The following CCSER1 variants were observed in gnomAD, a reference collection of about 807,000 sequenced individuals.
The protein encoded by CCSER1 is coiled-coil serine rich protein 1.
Under a neutral mutation model 82.0 loss-of-function variants are expected in CCSER1, and 41 were observed. The observed-to-expected ratio is 0.50, with a 90% confidence interval of 0.39 to 0.65. The LOEUF (loss-of-function observed/expected upper bound fraction) is 0.65. CCSER1 is among the 30% of genes least tolerant of loss of function. CCSER1 has a pLI of 0.00. For synonymous variants in CCSER1, 414 were observed against 383.9 expected (o/e 1.08, Z -0.92); for missense variants, 1,119 against 1,064.2 (o/e 1.05, Z -0.72).
chr4:91,166,569 A>T (rs1404024272), intron 10 of CCSER1, among the ~76,000 whole-genome samples: 3 of 152,236 alleles, frequency 2.0e-5, no homozygotes, highest in African/African-American at 2.4e-5. Flanking sequence ...CAATATACCA[A>T]GCAAACTTAA....
chr4:90,995,025 G>A (rs1023547621), intron 9 of CCSER1, among the ~76,000 whole-genome samples: 2 of 152,082 alleles, frequency 1.3e-5, no homozygotes, highest in Admixed American at 1.3e-4. Context: ...TTTCCATTCT[G>A]CACTCTGATC....
intron 10 of CCSER1, among the ~76,000 whole-genome samples, chr4:91,197,887 A>G (rs754766162): frequency 6.6e-5 from 10 of 151,760 alleles, no homozygotes; most frequent in Non-Finnish European, 1.5e-4. Context: ...TGGAAATGCT[A>G]TATCTTTTTT....
intron 3 of CCSER1, among the ~76,000 whole-genome samples, chr4:90,365,932 A>G (rs1006082616): frequency 6.6e-6 from 1 of 151,892 alleles, no homozygotes; most frequent in Admixed American, 6.6e-5. Context: ...TTAATAGTAT[A>G]TAGAATAACA....
At chr4:90,196,958 T>C (rs537063932) in intron 1 of CCSER1, among the ~76,000 whole-genome samples, 1 of 152,146 alleles carries the variant, frequency 6.6e-6, no homozygotes, top group Admixed American at 6.5e-5. Flanking sequence ...ACTATGTACC[T>C]TGAGATAGTG....
intron 5 of CCSER1, among the ~76,000 whole-genome samples, chr4:90,473,126 G>A (rs1764621891): frequency 6.6e-6 from 1 of 152,098 alleles, no homozygotes; most frequent in Non-Finnish European, 1.5e-5. Flanking sequence ...CTATGTAAAT[G>A]AGCATTTCAT....
chr4:90,553,204 G>A (rs549056238), intron 5 of CCSER1, among the ~76,000 whole-genome samples: 71 of 152,090 alleles, frequency 4.7e-4, no homozygotes, highest in Middle Eastern at 3.4e-3. Flanking sequence ...ATCTAACCTC[G>A]TGATCTACCT....
chr4:90,631,162 G>T (rs533200964), intron 6 of CCSER1, among the ~76,000 whole-genome samples: 114 of 152,040 alleles, frequency 7.5e-4, no homozygotes, highest in Non-Finnish European at 1.5e-3. Flanking sequence ...CAAAGTGCTG[G>T]GACTACAGGC....
intron 10 of CCSER1, among the ~76,000 whole-genome samples, chr4:91,573,850 G>T (rs1763309153): frequency 6.6e-6 from 1 of 152,020 alleles, no homozygotes; most frequent in African/African-American, 2.4e-5. Flanking sequence ...ACCCAGTTCT[G>T]TTTTTATACA....
At position 90,272,084 on chromosome 4, in the gene CCSER1, G is replaced by A. The variant is rs973822214; in HGVS notation, c.-41-36160G>A. ...TCACTGTCACGACAACAGCGTGGGG[G>A]AAACCACCCCTGTGATTCAATCACC... On this transcript the variant is annotated intron_variant, in intron 1 of 10. Transcript: ENST00000509176. Among the ~76,000 whole-genome samples the A allele has an allele frequency of 1.0e-3, 156 of 151,368 alleles. 1 individual carries two copies. The highest frequency in any genetic ancestry group is 2.5e-3 in the African/African-American group (103 of 41,258).
chr4:90,398,683 A>C (rs940374163), intron 3 of CCSER1, among the ~76,000 whole-genome samples: 25 of 152,172 alleles, frequency 1.6e-4, no homozygotes, highest in African/African-American at 5.8e-4. Flanking sequence ...TTATTGGACT[A>C]TCGCTGACAC....
chr4:90,819,892 A>T (rs1023424407), intron 8 of CCSER1, among the ~76,000 whole-genome samples: 2 of 152,224 alleles, frequency 1.3e-5, no homozygotes, highest in African/African-American at 4.8e-5. Context: ...ATGTTAGAAT[A>T]TTACAGTGTC....
At chr4:90,580,222 A>G (rs1277956673) in intron 5 of CCSER1, among the ~76,000 whole-genome samples, 1 of 152,156 alleles carries the variant, frequency 6.6e-6, no homozygotes, top group Non-Finnish European at 1.5e-5. Flanking sequence ...CTGTGGAATT[A>G]ACAAATTATT....
At chr4:90,379,787 A>G (rs1189677503) in intron 3 of CCSER1, among the ~76,000 whole-genome samples, 1 of 152,178 alleles carries the variant, frequency 6.6e-6, no homozygotes, top group Non-Finnish European at 1.5e-5. Flanking sequence ...TGGGTAATTT[A>G]TAAGCAAAAG....
intron 10 of CCSER1, among the ~76,000 whole-genome samples, chr4:91,174,464 CTA>C (rs1553906996): frequency 1.3e-5 from 2 of 151,952 alleles, no homozygotes; most frequent in Non-Finnish European, 2.9e-5. Context: ...TTTTATTTTA[CTA>C]TAAGTTCTGG....
intron 10 of CCSER1, chr4:91,112,483 ATTATC>A (rs1234717035): frequency 6.6e-6 from 1 of 152,044 alleles, no homozygotes; most frequent in Non-Finnish European, 1.5e-5. Flanking sequence ...GATAATCTTT[ATTATC>A]TTTGTTCTTT....
intron 5 of CCSER1, among the ~76,000 whole-genome samples, chr4:90,591,625 G>A (rs920475665): frequency 6.6e-6 from 1 of 152,196 alleles, no homozygotes; most frequent in African/African-American, 2.4e-5. Context: ...AGATGGTGTA[G>A]CGATTCCTCA....
intron 7 of CCSER1, among the ~76,000 whole-genome samples, chr4:90,769,066 G>C (rs62313021): frequency 0.057 from 8,671 of 152,240 alleles, 356 homozygotes; most frequent in Admixed American, 0.11. Flanking sequence ...AAAGATTAAA[G>C]CTGGTGACTC....
At chr4:90,521,680 T>C (rs908964656) in intron 5 of CCSER1, among the ~76,000 whole-genome samples, 3 of 152,158 alleles carry the variant, frequency 2.0e-5, no homozygotes, top group Non-Finnish European at 4.4e-5. Context: ...TTTTTTTTTT[T>C]AGACTGAGCA....
intron 10 of CCSER1, among the ~76,000 whole-genome samples, chr4:91,376,077 G>A (rs1377444159): frequency 6.6e-6 from 1 of 152,082 alleles, no homozygotes; most frequent in Non-Finnish European, 1.5e-5. Flanking sequence ...CTTTAGATCA[G>A]CAGAAAAGTC....
Sources: gnomAD v4.1 joint callset for allele counts (sites outside exome capture counted in the v4.1 genomes callset) on GRCh38, gnomAD v4.1.1 for gene constraint, MANE v1.5 for transcripts, NCBI Gene and HGNC (gene_info 2026-07-23, HGNC 2026-07-21) for gene names.